GPC5: variants seen among roughly 807,000 people sequenced by gnomAD.
The protein encoded by GPC5 is glypican 5.
A neutral mutation model predicts 53.9 loss-of-function variants in GPC5; 47 were observed. The observed-to-expected ratio is 0.87, with a 90% CI of 0.69 to 1.11. The LOEUF (loss-of-function observed/expected upper bound fraction) is 1.11. Ranked by LOEUF, GPC5 falls within the 50% of genes most tolerant of loss-of-function variation. The probability of loss-of-function intolerance (pLI) is 0.00; values close to 1 mark genes in which losing one functional copy is unlikely to be tolerated. For synonymous variants in GPC5, 286 were observed against 263.3 expected (o/e 1.09, Z -0.84); for missense variants, 748 against 713.1 (o/e 1.05, Z -0.56).
intron 7 of GPC5, among the ~76,000 whole-genome samples, chr13:92,499,531 G>C (rs1024375032): frequency 1.3e-5 from 2 of 152,108 alleles, no homozygotes; most frequent in Non-Finnish European, 1.5e-5. Flanking sequence ...AGCATATGAA[G>C]AGATTGAGAG....
At chr13:92,082,192 A>ATT (rs149222367) in intron 6 of GPC5, among the ~76,000 whole-genome samples, 17,311 of 152,166 alleles carry the variant, frequency 0.11, 1,237 homozygotes, top group Admixed American at 0.18. Flanking sequence ...TTGCTGAGAC[A>ATT]TTATATATAT....
At chr13:91,750,285 A>G (rs2037142765) in intron 4 of GPC5, among the ~76,000 whole-genome samples, 1 of 152,224 alleles carries the variant, frequency 6.6e-6, no homozygotes, top group African/African-American at 2.4e-5. Flanking sequence ...TCTTTTAAAT[A>G]TGGTCAAACT....
At chr13:92,585,716 C>A (rs1883516017) in intron 7 of GPC5, among the ~76,000 whole-genome samples, 1 of 152,082 alleles carries the variant, frequency 6.6e-6, no homozygotes, top group Non-Finnish European at 1.5e-5. Flanking sequence ...CTTGAATTCC[C>A]ACGTGTTGTG....
intron 7 of GPC5, among the ~76,000 whole-genome samples, chr13:92,473,458 A>C (rs1050784484): frequency 1.3e-5 from 2 of 152,140 alleles, no homozygotes; most frequent in Non-Finnish European, 2.9e-5. Context: ...TTTTTGGACT[A>C]ATGGTCTGGT....
At chr13:91,484,308 C>T (rs1883471729) in intron 2 of GPC5, among the ~76,000 whole-genome samples, 1 of 152,124 alleles carries the variant, frequency 6.6e-6, no homozygotes, top group Admixed American at 6.6e-5. Context: ...CAAAAAATGA[C>T]TAAAAATGTT....
intron 7 of GPC5, among the ~76,000 whole-genome samples, chr13:92,379,010 A>T (rs1481728567): frequency 1.3e-5 from 2 of 152,206 alleles, no homozygotes; most frequent in Non-Finnish European, 2.9e-5. Context: ...TAAATGTATA[A>T]AGGTGTGGTA....
intron 7 of GPC5, among the ~76,000 whole-genome samples, chr13:92,589,089 C>T (rs1883635952): frequency 6.6e-6 from 1 of 152,144 alleles, no homozygotes; most frequent in Admixed American, 6.5e-5. Context: ...TTCTTCAACT[C>T]AGTGAAGTAA....
intron 1 of GPC5, among the ~76,000 whole-genome samples, chr13:91,424,619 G>A (rs945431840): frequency 3.9e-5 from 6 of 151,960 alleles, no homozygotes; most frequent in African/African-American, 1.2e-4. Context: ...CACCCGCCTC[G>A]GCCTCCCGAA....
intron 7 of GPC5, among the ~76,000 whole-genome samples, chr13:92,855,187 T>C (rs2138849067): frequency 6.6e-6 from 1 of 152,106 alleles, no homozygotes; most frequent in Non-Finnish European, 1.5e-5. Flanking sequence ...TAATGACTAG[T>C]ATATATAGCA....
chr13:91,520,799 T>A (rs938549517), intron 2 of GPC5, among the ~76,000 whole-genome samples: 4 of 152,054 alleles, frequency 2.6e-5, no homozygotes, highest in Admixed American at 2.6e-4. Context: ...AGATAACTTA[T>A]TTTTAAACAA....
chr13:91,673,755 A>T (rs1301310330), intron 2 of GPC5, among the ~76,000 whole-genome samples: 1 of 152,224 alleles, frequency 6.6e-6, no homozygotes, highest in Admixed American at 6.5e-5. Context: ...GCAGGCATCC[A>T]GTGAACACCA....
At chr13:91,885,446 A>G (rs1300349778) in intron 5 of GPC5, among the ~76,000 whole-genome samples, 1 of 152,098 alleles carries the variant, frequency 6.6e-6, no homozygotes, top group East Asian at 1.9e-4. Context: ...CCCCTCCCCG[A>G]CTAGAATCTG....
chr13:92,754,166 G>A (rs1874733966), intron 7 of GPC5, among the ~76,000 whole-genome samples: 1 of 152,136 alleles, frequency 6.6e-6, no homozygotes, highest in Non-Finnish European at 1.5e-5. Context: ...GAGAGTGGGG[G>A]CCAATATTCA....
intron 7 of GPC5, among the ~76,000 whole-genome samples, chr13:92,547,237 G>C (rs976780563): frequency 5.3e-5 from 8 of 152,086 alleles, no homozygotes; most frequent in Non-Finnish European, 8.8e-5. Context: ...TTTTAAAAAA[G>C]AGAATTGAAA....
At chr13:92,458,521 C>A (rs769527352) in intron 7 of GPC5, among the ~76,000 whole-genome samples, 21 of 152,098 alleles carry the variant, frequency 1.4e-4, no homozygotes, top group Admixed American at 1.0e-3. Flanking sequence ...TGGTCTTGAA[C>A]TCCTGACCTC....
intron 7 of GPC5, among the ~76,000 whole-genome samples, chr13:92,435,043 T>A (rs1012038219): frequency 2.0e-5 from 3 of 152,276 alleles, no homozygotes; most frequent in African/African-American, 7.2e-5. Flanking sequence ...TCCTCCTGAG[T>A]TGCTTGGACT....
At chr13:92,531,406 T>C (rs1055101984) in intron 7 of GPC5, among the ~76,000 whole-genome samples, 1 of 151,836 alleles carries the variant, frequency 6.6e-6, no homozygotes, top group African/African-American at 2.4e-5. Flanking sequence ...GAGAGAAATA[T>C]GAAAAAATAT....
intron 7 of GPC5, among the ~76,000 whole-genome samples, chr13:92,398,534 C>G (rs950698611): frequency 2.6e-5 from 4 of 151,732 alleles, no homozygotes; most frequent in Non-Finnish European, 5.9e-5. Flanking sequence ...CAATCCCTTC[C>G]TCCCTTTTCT....
chr13:91,994,700 C>T (rs533029547), intron 6 of GPC5: 15 of 152,294 alleles, frequency 9.8e-5, no homozygotes, highest in Admixed American at 5.2e-4. Context: ...GAACAGGGTA[C>T]TTAGCCTACT....
Sources: gnomAD v4.1 joint callset for allele counts (sites outside exome capture counted in the v4.1 genomes callset) on GRCh38, gnomAD v4.1.1 for gene constraint, MANE v1.5 for transcripts, NCBI Gene and HGNC (gene_info 2026-07-23, HGNC 2026-07-21) for gene names.